Variants in CDK14 observed in about 807,000 individuals in gnomAD.
CDK14 encodes the protein cyclin-dependent kinase 14.
CDK14 carries 34 observed loss-of-function variants against 60.7 expected under a neutral mutation model. That is an observed-to-expected ratio of 0.56 (90% CI 0.43 to 0.75). The LOEUF (loss-of-function observed/expected upper bound fraction) is 0.75, where lower values mean the gene tolerates loss of function less well. CDK14 is among the 30% of genes least tolerant of loss of function. The probability of loss-of-function intolerance (pLI) is 0.00; values close to 1 mark genes in which losing one functional copy is unlikely to be tolerated. For missense variants in CDK14, 482 were observed against 564.1 expected, an observed-to-expected ratio of 0.85 and a Z score of 1.47; for synonymous variants, 197 against 203.7, an observed-to-expected ratio of 0.97 and a Z score of 0.28.
At chr7:90,627,764 T>C (rs1419003161) in intron 2 of CDK14, among the ~76,000 whole-genome samples, 1 of 152,156 alleles carries the variant, frequency 6.6e-6, no homozygotes, top group East Asian at 1.9e-4. Flanking sequence ...GCAGGCTGAA[T>C]TCTTGACCAA....
chr7:90,797,180 T>C (rs1327709733), intron 5 of CDK14, among the ~76,000 whole-genome samples: 1 of 151,664 alleles, frequency 6.6e-6, no homozygotes, highest in African/African-American at 2.4e-5. Flanking sequence ...AACAGAAACT[T>C]AATGTCTTGC....
At chr7:90,640,355 T>C (rs555381152) in intron 2 of CDK14, among the ~76,000 whole-genome samples, 7 of 152,174 alleles carry the variant, frequency 4.6e-5, no homozygotes, top group African/African-American at 7.2e-5. Context: ...AAGAAAAATA[T>C]TAAAGCCTAG....
At chr7:91,100,298 A>G (rs1440115739) in intron 12 of CDK14, among the ~76,000 whole-genome samples, 3 of 152,202 alleles carry the variant, frequency 2.0e-5, no homozygotes, top group Admixed American at 1.3e-4. Flanking sequence ...TAAAAATAAA[A>G]CTTCATCACT....
At chr7:90,668,213 G>A (rs1341308574) in intron 2 of CDK14, among the ~76,000 whole-genome samples, 1 of 152,100 alleles carries the variant, frequency 6.6e-6, no homozygotes, top group Non-Finnish European at 1.5e-5. Context: ...CCATCTCAGT[G>A]GATGTGAAGT....
intron 12 of CDK14, among the ~76,000 whole-genome samples, chr7:91,111,219 C>G (rs186393595): frequency 6.6e-6 from 1 of 152,154 alleles, no homozygotes. Context: ...TTTTCCTTCT[C>G]TACCCAAATC....
At chr7:90,725,946 A>G (rs376065728) in intron 2 of CDK14, among the ~76,000 whole-genome samples, 19 of 152,110 alleles carry the variant, frequency 1.2e-4, no homozygotes, top group East Asian at 3.9e-4. Context: ...TTCTTTTACA[A>G]TGTTATTTCT....
intron 7 of CDK14, among the ~76,000 whole-genome samples, chr7:90,902,741 T>C (rs1792554550): frequency 6.6e-6 from 1 of 151,852 alleles, no homozygotes; most frequent in Non-Finnish European, 1.5e-5. Flanking sequence ...AAATAATAGA[T>C]AAATGGGACT....
At chr7:90,745,573 G>T (rs943109728) in intron 3 of CDK14, among the ~76,000 whole-genome samples, 1 of 152,018 alleles carries the variant, frequency 6.6e-6, no homozygotes, top group African/African-American at 2.4e-5. Context: ...GTGCCACCAC[G>T]CCCAGCTAAT....
chr7:90,863,029 T>G, intron 5 of CDK14, 146 bp from the exon 6 acceptor site: 1 of 515,054 alleles, frequency 1.9e-6, no homozygotes, highest in Non-Finnish European at 3.4e-6. Context: ...AAGTCTTGTT[T>G]TTCTACCCTT....
At chr7:91,116,902 C>A (rs1799625684) in intron 13 of CDK14, among the ~76,000 whole-genome samples, 1 of 151,624 alleles carries the variant, frequency 6.6e-6, no homozygotes, top group African/African-American at 2.4e-5. Context: ...TTAGAGTGTC[C>A]TGGGGCTGAA....
At chr7:90,877,271 A>G (rs1367801369) in intron 6 of CDK14, among the ~76,000 whole-genome samples, 1 of 152,160 alleles carries the variant, frequency 6.6e-6, no homozygotes, top group African/African-American at 2.4e-5. Context: ...TATTATTAAG[A>G]TGTTATTTTT....
rs1210724436 is a variant in CDK14, at chr7:90,931,860, C to A, written c.826+14136C>A. Among the ~76,000 whole-genome samples the A allele has an allele frequency of 2.6e-5, 4 of 152,022 alleles. No homozygotes were observed. In the East Asian group the frequency reaches 7.7e-4, roughly 29 times the overall value. ...AGGTCCCCCCACAACAAAGTTTATT[C>A]TAAAACAAGTTTTTACTGCTTTGAC... On this transcript the variant is annotated intron_variant, in intron 8 of 14. Transcript: ENST00000380050.
At chr7:91,060,692 G>C (rs146733068) in intron 11 of CDK14, among the ~76,000 whole-genome samples, 3,783 of 152,240 alleles carry the variant, frequency 0.025, 141 homozygotes, top group African/African-American at 0.085. Flanking sequence ...ATTCTGGTTT[G>C]AAAATTCTTT....
intron 14 of CDK14, among the ~76,000 whole-genome samples, chr7:91,186,353 C>T (rs1027558088): frequency 4.8e-5 from 7 of 146,262 alleles, no homozygotes; most frequent in Non-Finnish European, 1.0e-4. Flanking sequence ...GGATATACCA[C>T]ATTTTATTTA....
At position 90,921,376 on chromosome 7, in the gene CDK14, A is replaced by G. The variant is rs546935281; in HGVS notation, c.826+3652A>G. Among the ~76,000 whole-genome samples, 25 of 152,232 alleles carry G rather than the reference A, an allele frequency of 1.6e-4. No individual in the cohort carries two copies. In the South Asian group the frequency reaches 5.2e-3, roughly 32 times the overall value. On this transcript the variant is annotated intron_variant, in intron 8 of 14. Transcript: ENST00000380050. ...CTTCAAAGGGGCCCCCTTTCTGAAA[A>G]TAGAATCTTTCCCATTATTATCTTC...
At chr7:91,062,519 T>C (rs1797835480) in intron 11 of CDK14, among the ~76,000 whole-genome samples, 1 of 152,016 alleles carries the variant, frequency 6.6e-6, no homozygotes, top group African/African-American at 2.4e-5. Context: ...ACTGGAGCTG[T>C]TCCTATTCGG....
At chr7:90,743,986 T>C (rs1231747220) in intron 3 of CDK14, among the ~76,000 whole-genome samples, 2 of 152,188 alleles carry the variant, frequency 1.3e-5, no homozygotes, top group African/African-American at 4.8e-5. Context: ...ATCATTGATA[T>C]GTTTGGATTT....
chr7:91,185,384 T>C (rs1279489210), intron 14 of CDK14, among the ~76,000 whole-genome samples: 1 of 151,944 alleles, frequency 6.6e-6, no homozygotes, highest in Non-Finnish European at 1.5e-5. Context: ...AACTATACTT[T>C]TTTCCGGATT....
chr7:90,667,363 A>G (rs1213293126), intron 2 of CDK14, among the ~76,000 whole-genome samples: 3 of 152,180 alleles, frequency 2.0e-5, no homozygotes, highest in Admixed American at 6.5e-5. Context: ...ACAAAGTTGT[A>G]CAGCCATCAC....
Sources: gnomAD v4.1 joint callset for allele counts (sites outside exome capture counted in the v4.1 genomes callset) on GRCh38, gnomAD v4.1.1 for gene constraint, MANE v1.5 for transcripts, NCBI Gene and HGNC (gene_info 2026-07-23, HGNC 2026-07-21) for gene names.